TMEM266: variants seen among roughly 807,000 people sequenced by gnomAD.
TMEM266 encodes the protein Hv1 related protein 1.
TMEM266 carries 33 observed loss-of-function variants against 50.5 expected under a neutral mutation model. The observed-to-expected ratio is 0.65, with a 90% CI of 0.50 to 0.87. The LOEUF (loss-of-function observed/expected upper bound fraction) is 0.87, where lower values mean the gene tolerates loss of function less well. Ranked by LOEUF, TMEM266 falls within the 40% of genes least tolerant of loss-of-function variation. TMEM266 has a pLI of 0.00. For synonymous variants in TMEM266, 310 were observed against 292.3 expected, an observed-to-expected ratio of 1.06 and a Z score of -0.62; for missense variants, 655 against 695.1, an observed-to-expected ratio of 0.94 and a Z score of 0.65.
At chr15:76,119,391 C>CAAAAAAAAAAAAAAAAAA (rs57532855) in intron 1 of TMEM266, among the ~76,000 whole-genome samples, 1 of 109,776 alleles carries the variant, frequency 9.1e-6, no homozygotes, top group Non-Finnish European at 2.0e-5. Flanking sequence ...GGGTTTATGG[C>CAAAAAAAAAAAAAAAAAA]AAAAAAAAAA....
chr15:76,125,873 G>C (rs575176270), intron 1 of TMEM266, among the ~76,000 whole-genome samples: 1 of 151,078 alleles, frequency 6.6e-6, no homozygotes, highest in Non-Finnish European at 1.5e-5. Flanking sequence ...AAGGCAGTGG[G>C]GGGGATGGGG....
At chr15:76,182,668 A>C (rs1197739940) in intron 8 of TMEM266, among the ~76,000 whole-genome samples, 1 of 152,000 alleles carries the variant, frequency 6.6e-6, no homozygotes, top group Non-Finnish European at 1.5e-5. Flanking sequence ...AAACAAAACA[A>C]AAAAAACTAC....
chr15:76,137,673 A>T, intron 2 of TMEM266, 34 bp from the exon 3 acceptor site: 1 of 1,605,254 alleles, frequency 6.2e-7, no homozygotes, highest in Non-Finnish European at 8.5e-7. Flanking sequence ...CCTTGAAGAT[A>T]ACTCTTTCCC....
At chr15:76,105,293 C>G (rs1471378261) in intron 1 of TMEM266, among the ~76,000 whole-genome samples, 1 of 152,164 alleles carries the variant, frequency 6.6e-6, no homozygotes, top group African/African-American at 2.4e-5. Flanking sequence ...TCACTACCCC[C>G]TTGTGAGCCC....
chr15:76,083,461 C>G (rs2036726154), intron 1 of TMEM266, among the ~76,000 whole-genome samples: 1 of 152,130 alleles, frequency 6.6e-6, no homozygotes, highest in Admixed American at 6.6e-5. Flanking sequence ...GGCTCACTGG[C>G]TTAATTTCTG....
At chr15:76,200,159 A>C (rs574783730) in intron 9 of TMEM266, among the ~76,000 whole-genome samples, 2 of 152,246 alleles carry the variant, frequency 1.3e-5, no homozygotes, top group African/African-American at 4.8e-5. Flanking sequence ...GATGAATGAG[A>C]AGCTGCCCAG....
intron 2 of TMEM266, among the ~76,000 whole-genome samples, chr15:76,135,674 C>T (rs1233901022): frequency 1.3e-5 from 2 of 152,086 alleles, no homozygotes; most frequent in Non-Finnish European, 1.5e-5. Context: ...CATTCTGTTT[C>T]GTTTAAAGAT....
chr15:76,133,497 C>T (rs1241418321), intron 1 of TMEM266, among the ~76,000 whole-genome samples: 1 of 152,034 alleles, frequency 6.6e-6, no homozygotes, highest in Non-Finnish European at 1.5e-5. Flanking sequence ...ATAGTACTTA[C>T]TAAGTGTCAG....
At position 76,197,630 on chromosome 15, in the gene TMEM266, A is replaced by C. The variant is rs1312093540; in HGVS notation, c.959-4572A>C. On this transcript the variant is annotated intron_variant, in intron 9 of 10. Coordinates refer to ENST00000388942, the MANE Select transcript of TMEM266 (RefSeq NM_152335.3). ...CTTGTATACAGTAGGCGCTCAGTGA[A>C]TATTAGTGCCCTCCCTTGGTGAGGG... Among the ~76,000 whole-genome samples the C allele has an allele frequency of 2.6e-5, 4 of 152,350 alleles. No individual in the cohort carries two copies. The East Asian group carries it at 7.7e-4, about 29-fold the overall frequency.
At position 76,175,680 on chromosome 15, in the gene TMEM266, G is replaced by A; in HGVS notation, c.768+6G>A. 6.2e-7 allele frequency: 1 copy of A among 1,611,012 alleles called. No individual in the cohort carries two copies. The highest frequency in any genetic ancestry group is 8.5e-7 in the Non-Finnish European group (1 of 1,177,276). ...AGATCTGTCAGGAGCAAGGGGTAAT[G>A]CACTGCCACTTTCGGCTCTGTCCGT... On this transcript the variant is annotated splice_donor_region_variant and intron_variant, in intron 8 of 10. Transcript: ENST00000388942.
intron 1 of TMEM266, among the ~76,000 whole-genome samples, chr15:76,083,426 G>A (rs1189852672): frequency 1.3e-5 from 2 of 152,032 alleles, no homozygotes; most frequent in African/African-American, 4.8e-5. Flanking sequence ...TCCCTCAGGT[G>A]AGGCCCATCA....
Position 76,097,688 on chromosome 15 carries a change from G to A in TMEM266, c.-96-36480G>A, listed in dbSNP as rs941479039. ...TTCTCCCCAACCTAGATAATATCCT[G>A]AAGAGTGTTTTCCAACTTGGTACCA... On this transcript the variant is annotated intron_variant, in intron 1 of 10. Transcript: ENST00000388942. Among the ~76,000 whole-genome samples the A allele has an allele frequency of 3.9e-5, 6 of 152,086 alleles. No individual in the cohort carries two copies. The South Asian group carries it at 1.0e-3, about 26-fold the overall frequency.
At chr15:76,191,871 C>G (rs2142081901) in intron 8 of TMEM266, 97 bp from the exon 9 acceptor site, 2 of 1,171,524 alleles carry the variant, frequency 1.7e-6, no homozygotes, top group Non-Finnish European at 1.1e-6. Context: ...GTCCTCCCCA[C>G]CCCGCCCCCA....
At chr15:76,115,180 C>T (rs1400991154) in intron 1 of TMEM266, among the ~76,000 whole-genome samples, 1 of 152,190 alleles carries the variant, frequency 6.6e-6, no homozygotes, top group East Asian at 1.9e-4. Flanking sequence ...CAGCTCCCCT[C>T]AAGAACGCCA....
intron 1 of TMEM266, among the ~76,000 whole-genome samples, chr15:76,122,873 G>A (rs1177010376): frequency 6.6e-6 from 1 of 152,202 alleles, no homozygotes; most frequent in East Asian, 1.9e-4. Flanking sequence ...TGTTAGGGAA[G>A]CTCTAAAGTG....
intron 1 of TMEM266, among the ~76,000 whole-genome samples, chr15:76,107,953 TC>T (rs752547355): frequency 2.0e-5 from 3 of 152,204 alleles, no homozygotes; most frequent in Non-Finnish European, 4.4e-5. Context: ...GGCACCCTCT[TC>T]CCTTTGTCCA....
intron 1 of TMEM266, among the ~76,000 whole-genome samples, chr15:76,109,625 C>T (rs2037136587): frequency 6.6e-6 from 1 of 152,112 alleles, no homozygotes; most frequent in Non-Finnish European, 1.5e-5. Context: ...CCTGCCTCTG[C>T]ACTCCAGCCT....
intron 1 of TMEM266, among the ~76,000 whole-genome samples, chr15:76,115,593 C>G (rs534276409): frequency 3.9e-5 from 6 of 152,292 alleles, no homozygotes; most frequent in South Asian, 4.1e-4. Context: ...AACATTCTGC[C>G]TAACTTCTTG....
intron 3 of TMEM266, among the ~76,000 whole-genome samples, chr15:76,147,632 C>T (rs761139500): frequency 2.8e-4 from 42 of 152,200 alleles, no homozygotes; most frequent in African/African-American, 9.9e-4. Context: ...GCCCCAACAA[C>T]GGAATAAAAG....
Sources: gnomAD v4.1 joint callset for allele counts (sites outside exome capture counted in the v4.1 genomes callset) on GRCh38, gnomAD v4.1.1 for gene constraint, MANE v1.5 for transcripts, NCBI Gene and HGNC (gene_info 2026-07-23, HGNC 2026-07-21) for gene names.